HERC2: variants seen among roughly 807,000 people sequenced by gnomAD.
HERC2 encodes the protein HECT and RLD domain containing E3 ubiquitin protein ligase 2.
A neutral mutation model predicts 537.7 loss-of-function variants in HERC2; 102 were observed. That is an observed-to-expected ratio of 0.19 (90% CI 0.16 to 0.22). HERC2 has a LOEUF of 0.22. Among genes scored for constraint, HERC2 ranks in the 10% least tolerant of loss-of-function variants. The pLI is 1.00. For missense variants in HERC2, 4,236 were observed against 6,198.2 expected, an observed-to-expected ratio of 0.68 and a Z score of 10.63; for synonymous variants, 2,224 against 2,466.2, an observed-to-expected ratio of 0.90 and a Z score of 2.91.
intron 72 of HERC2, 127 bp from the exon 73 acceptor site, chr15:28,144,362 C>T (rs7403363): frequency 0.95 from 905,578 of 953,626 alleles, 433,710 homozygotes; most frequent in East Asian, 0.99. Context: ...GGTGTGCCCA[C>T]GCATGCCACT....
intron 18 of HERC2, 36 bp downstream of exon 18, chr15:28,256,053 G>C: frequency 6.2e-7 from 1 of 1,604,590 alleles, no homozygotes. Flanking sequence ...CCAACACCCT[G>C]ACCCATGCCC....
At chr15:28,149,619 G>T (rs1274543387) in intron 70 of HERC2, among the ~76,000 whole-genome samples, 1 of 145,650 alleles carries the variant, frequency 6.9e-6, no homozygotes, top group Non-Finnish European at 1.5e-5. Context: ...GAACATCACC[G>T]AGAACGGCTG....
rs147440206 is a variant in HERC2 at position 28,128,708 on chromosome 15, A to G, written c.12802+1455T>C. 4.5e-3 allele frequency among the ~76,000 whole-genome samples: 693 copies of G among 152,344 alleles called. 4 individuals are homozygous for G. Among genetic ancestry groups the G allele is most frequent in the African/African-American group, 0.016 (670 of 41,582 alleles). On this transcript the variant is annotated intron_variant, in intron 83 of 92. Coordinates refer to ENST00000261609, the MANE Select transcript of HERC2 (RefSeq NM_004667.6). ...CACATCCCCACAGCCCGGCTGGCTT[A>G]AACAACACACACTTAGGATCCTTTC...
At chr15:28,255,727 G>T in intron 19 of HERC2, 145 bp downstream of exon 19, 1 of 850,214 alleles carries the variant, frequency 1.2e-6, no homozygotes, top group Non-Finnish European at 1.8e-6. Context: ...TTGTAAATTG[G>T]CACATAAAAG....
intron 8 of HERC2, 87 bp downstream of exon 8, chr15:28,272,807 A>G: frequency 1.2e-6 from 1 of 864,184 alleles, no homozygotes; most frequent in South Asian, 1.5e-5. Context: ...TGCGGTCACA[A>G]ACGATTCAGT....
At chr15:28,218,421 G>A in intron 38 of HERC2, 68 bp downstream of exon 38, 17 of 1,388,444 alleles carry the variant, frequency 1.2e-5, no homozygotes, top group Non-Finnish European at 1.4e-5. Flanking sequence ...CCACCCACAT[G>A]AACACCCAGA....
intron 55 of HERC2, among the ~76,000 whole-genome samples, chr15:28,188,416 C>T (rs1052678712): frequency 2.2e-4 from 34 of 151,996 alleles, no homozygotes; most frequent in Admixed American, 9.8e-4. Context: ...TGGTGGCAGG[C>T]GCCTATAGTC....
At chr15:28,183,172 C>T (rs1895985121) in intron 56 of HERC2, among the ~76,000 whole-genome samples, 1 of 152,148 alleles carries the variant, frequency 6.6e-6, no homozygotes, top group African/African-American at 2.4e-5. Context: ...CCTTGCTCAT[C>T]TATCTCCTGA....
At chr15:28,148,540 G>A (rs1017520353) in intron 70 of HERC2, among the ~76,000 whole-genome samples, 2 of 152,184 alleles carry the variant, frequency 1.3e-5, no homozygotes, top group African/African-American at 4.8e-5. Flanking sequence ...TGGGACGACA[G>A]ACTAAAGGAG....
intron 23 of HERC2, among the ~76,000 whole-genome samples, chr15:28,239,198 A>C (rs575296457): frequency 6.6e-6 from 1 of 152,226 alleles, no homozygotes; most frequent in Non-Finnish European, 1.5e-5. Context: ...AAAATTAGAA[A>C]ATGTGTTCAA....
chr15:28,190,972 C>G lies in HERC2; in HGVS notation c.8642G>C (p.Cys2881Ser). The G allele has an allele frequency of 6.3e-7, 1 of 1,597,790 alleles. No homozygotes were observed. Among genetic ancestry groups the G allele is most frequent in the Non-Finnish European group, 8.6e-7 (1 of 1,165,124 alleles). The stretch of plus-strand genomic sequence containing the variant: ...ACTAGCATAGCTACTTACCTCTGTG[C>G]AGTCATTCAGAAGGGGCACTGTGGT... ...SDTTVPLLND[C>S]TEYHRYIEIA... Residue 2881 changes from cysteine to serine, a missense_variant, in exon 55 of 93, where the codon TGC becomes TCC. Cys to Ser is a moderately radical substitution (Grantham distance 112). Around this residue, in one of 27 missense-constraint regions of HERC2, gnomAD observed 606 missense variants for 884.5 expected, o/e 0.69. Coordinates refer to ENST00000261609, the MANE Select transcript of HERC2 (RefSeq NM_004667.6).
chr15:28,132,050 C>CCT (rs10627923), intron 81 of HERC2, 50 bp downstream of exon 81: 1,442,528 of 1,467,740 alleles, frequency 0.98, 709,978 homozygotes, highest in Non-Finnish European at 1. Flanking sequence ...CCTGGGGGCC[C>CCT]GACTGCGGTG....
At chr15:28,147,394 C>T (rs1315942047) in intron 70 of HERC2, among the ~76,000 whole-genome samples, 1 of 152,100 alleles carries the variant, frequency 6.6e-6, no homozygotes, top group Non-Finnish European at 1.5e-5. Flanking sequence ...TTCGGGAGGC[C>T]GAGGCAGGCA....
At chr15:28,223,231 G>C (rs1439830315) in intron 35 of HERC2, among the ~76,000 whole-genome samples, 2 of 152,098 alleles carry the variant, frequency 1.3e-5, no homozygotes, top group African/African-American at 4.8e-5. Context: ...CCCCAGGAGA[G>C]TAGGCTAGAT....
chr15:28,223,561 G>C (rs1201546343), intron 35 of HERC2, among the ~76,000 whole-genome samples: 1 of 152,134 alleles, frequency 6.6e-6, no homozygotes, highest in African/African-American at 2.4e-5. Context: ...TTGCATTCTA[G>C]GTGGATCTCC....
chr15:28,118,714 CGCCTGTGCA>C (rs1888550330), intron 86 of HERC2, among the ~76,000 whole-genome samples: 1 of 152,180 alleles, frequency 6.6e-6, no homozygotes, highest in African/African-American at 2.4e-5. Flanking sequence ...GGGTTGGAGG[CGCCTGTGCA>C]GCCTTCCTGG....
chr15:28,306,159 A>G (rs1178236023), intron 2 of HERC2, among the ~76,000 whole-genome samples: 1 of 152,206 alleles, frequency 6.6e-6, no homozygotes, highest in African/African-American at 2.4e-5. Flanking sequence ...ATCTTAGAGG[A>G]AAGGCTTTCA....
intron 2 of HERC2, among the ~76,000 whole-genome samples, chr15:28,318,850 T>C (rs1351045772): frequency 6.6e-6 from 1 of 150,626 alleles, no homozygotes; most frequent in African/African-American, 2.4e-5. Flanking sequence ...TACTAAAACT[T>C]TTAAGGGCAT....
At chr15:28,272,041 G>A in intron 9 of HERC2, 174 bp downstream of exon 9, 1 of 607,274 alleles carries the variant, frequency 1.6e-6, no homozygotes, top group Non-Finnish European at 2.9e-6. Context: ...ACTGATCCGA[G>A]TCTTCTCCAC....
Sources: gnomAD v4.1 joint callset for allele counts (sites outside exome capture counted in the v4.1 genomes callset) on GRCh38, gnomAD v4.1.1 for gene constraint, gnomAD v4.1.1 regional missense constraint, MANE v1.5 for transcripts, NCBI Gene and HGNC (gene_info 2026-07-23, HGNC 2026-07-21) for gene names.